Variants in FAM184A observed in about 807,000 individuals in gnomAD.
The protein encoded by FAM184A is family with sequence similarity 184 member A.
Under a neutral mutation model 143.8 loss-of-function variants are expected in FAM184A, and 99 were observed. The ratio of observed to expected loss-of-function variants is 0.69; its 90% CI spans 0.58 to 0.81. FAM184A has a LOEUF of 0.81. Ranked by LOEUF, FAM184A falls within the 40% of genes least tolerant of loss-of-function variation. FAM184A has a pLI of 0.00. For missense variants in FAM184A, 1,217 were observed against 1,310.5 expected, an observed-to-expected ratio of 0.93 and a Z score of 1.10; for synonymous variants, 427 against 446.4, an observed-to-expected ratio of 0.96 and a Z score of 0.55.
chr6:118,976,702 T>C (rs1324130968), intron 11 of FAM184A, among the ~76,000 whole-genome samples: 1 of 151,388 alleles, frequency 6.6e-6, no homozygotes, highest in African/African-American at 2.4e-5. Context: ...AGTTTAATGG[T>C]ACCATAACAA....
chr6:119,039,413 G>T (rs146975505), intron 1 of FAM184A, among the ~76,000 whole-genome samples: 80 of 152,312 alleles, frequency 5.3e-4, no homozygotes, highest in African/African-American at 1.9e-3. Context: ...TGGATAAACT[G>T]ATCCAGACGA....
chr6:118,985,886 T>C (rs934245274), intron 9 of FAM184A, among the ~76,000 whole-genome samples: 2 of 152,234 alleles, frequency 1.3e-5, no homozygotes, highest in African/African-American at 4.8e-5. Context: ...ATTATGCCAA[T>C]GACTTAACGA....
In FAM184A at chr6:119,071,752, T is replaced by C. The variant is rs75017571; in HGVS notation, c.159+6389A>G. ...ACCTAGACCAATCTAGAGAGCTGAA[T>C]GTGAGTCCAGGTTGAGTAATCTTCA... On this transcript the variant is annotated intron_variant, in intron 1 of 17. Transcript: ENST00000338891. Among the ~76,000 whole-genome samples, 1,266 of 152,158 alleles carry C rather than the reference T, an allele frequency of 8.3e-3. 16 individuals are homozygous for C. Among genetic ancestry groups the C allele is most frequent in the African/African-American group, 0.029 (1,201 of 41,540 alleles).
chr6:119,024,826 G>A lies in FAM184A; in HGVS notation c.160-13C>T, dbSNP rs371077012. 1 of 1,563,790 alleles carries A rather than the reference G, an allele frequency of 6.4e-7. No individual in the cohort carries two copies. The highest frequency in any genetic ancestry group is 2.3e-5 in the East Asian group (1 of 44,438). On this transcript the variant is annotated splice_polypyrimidine_tract_variant and intron_variant, in intron 1 of 17. Coordinates refer to ENST00000338891, the MANE Select transcript of FAM184A (RefSeq NM_024581.6). ...AAGCATATATTACCTGCATGGTTTT[G>A]AATAAGAAGGGAGAAGGATTGTGAA... is the stretch of plus-strand genomic sequence containing the variant.
At chr6:119,068,047 GTTTTT>G (rs148034802) in intron 1 of FAM184A, among the ~76,000 whole-genome samples, 1 of 112,280 alleles carries the variant, frequency 8.9e-6, no homozygotes, top group Non-Finnish European at 1.9e-5. Flanking sequence ...TTGTGTGTGG[GTTTTT>G]TTTTTTTTTT....
chr6:118,980,263 G>A lies in FAM184A; in HGVS notation c.2176C>T (p.Arg726Ter), dbSNP rs752069529. The change falls in exon 10 of 18, where the codon CGA becomes TGA. Residue 726 changes from arginine (R) to a stop codon, truncating the protein, a stop_gained. Coordinates refer to ENST00000338891, the MANE Select transcript of FAM184A (RefSeq NM_024581.6). LOFTEE classifies it high-confidence loss of function. ...TCAAGCTCTTGCGTAAGCCGCTGTCGTTCTTGCGTAAACTGGGCTTGCAGT... is the reference window on the plus strand; with the variant it reads ...TCAAGCTCTTGCGTAAGCCGCTGTCATTCTTGCGTAAACTGGGCTTGCAGT... Reference protein sequence around the residue: ...QQLQAQFTQERQRLTQELEEL... With the variant: ...QQLQAQFTQE 3.7e-6 allele frequency: 6 copies of A among 1,614,072 alleles called. No individual in the cohort carries two copies. Among genetic ancestry groups the A allele is most frequent in the Non-Finnish European group, 5.1e-6 (6 of 1,179,990 alleles).
At chr6:119,112,137 C>CTTT (rs1319598625) in intron 1 of FAM184A, among the ~76,000 whole-genome samples, 45 of 144,968 alleles carry the variant, frequency 3.1e-4, no homozygotes, top group Admixed American at 1.2e-3. Flanking sequence ...TTCTTTCTTT[C>CTTT]TTTTTTTTTT....
At chr6:119,002,048 GAC>G (rs1784776171) in intron 9 of FAM184A, among the ~76,000 whole-genome samples, 1 of 151,988 alleles carries the variant, frequency 6.6e-6, no homozygotes, top group Admixed American at 6.6e-5. Context: ...TGAGATACTA[GAC>G]ACAAATTGGC....
At chr6:119,064,599 AAG>A (rs1287204924) in intron 1 of FAM184A, among the ~76,000 whole-genome samples, 1 of 152,154 alleles carries the variant, frequency 6.6e-6, no homozygotes, top group African/African-American at 2.4e-5. Flanking sequence ...CCAGCTGTTC[AAG>A]AGGCTGAGGT....
At chr6:119,005,918 T>C (rs1784902729) in intron 7 of FAM184A, 1 of 542,258 alleles carries the variant, frequency 1.8e-6, no homozygotes, top group Non-Finnish European at 3.3e-6. Context: ...CTCTTACTAG[T>C]AAAAGAATTG....
intron 1 of FAM184A, among the ~76,000 whole-genome samples, chr6:119,055,234 C>T (rs1457299071): frequency 6.6e-6 from 1 of 152,030 alleles, no homozygotes; most frequent in Non-Finnish European, 1.5e-5. Context: ...TATTTCATTC[C>T]TTTTTATGGG....
chr6:119,147,534 A>T (rs1303768309), intron 1 of FAM184A, among the ~76,000 whole-genome samples: 1 of 152,204 alleles, frequency 6.6e-6, no homozygotes. Context: ...AGACCAGACC[A>T]CATGTAAAAA....
chr6:119,058,045 T>A (rs1462990272), intron 1 of FAM184A: 1 of 151,690 alleles, frequency 6.6e-6, no homozygotes, highest in Non-Finnish European at 1.5e-5. Flanking sequence ...TTTTCCCTAT[T>A]CCCTGAAAGT....
At chr6:119,141,554 G>A (rs1421122063) in intron 1 of FAM184A, among the ~76,000 whole-genome samples, 3 of 152,136 alleles carry the variant, frequency 2.0e-5, no homozygotes, top group African/African-American at 7.2e-5. Context: ...TTGGCTCACT[G>A]CAGTCTCTGC....
At chr6:119,015,654 T>C (rs1785222532) in intron 5 of FAM184A, among the ~76,000 whole-genome samples, 1 of 152,170 alleles carries the variant, frequency 6.6e-6, no homozygotes. Flanking sequence ...CGACGAATGC[T>C]GCCCCCTGCT....
chr6:119,040,400 C>A (rs1786282721), intron 1 of FAM184A, among the ~76,000 whole-genome samples: 1 of 152,198 alleles, frequency 6.6e-6, no homozygotes, highest in Admixed American at 6.5e-5. Context: ...CTTTTCCTCT[C>A]TTTCCTGCTT....
intron 1 of FAM184A, among the ~76,000 whole-genome samples, chr6:119,142,827 T>C (rs1772292474): frequency 6.6e-6 from 1 of 152,148 alleles, no homozygotes; most frequent in African/African-American, 2.4e-5. Flanking sequence ...CAAGTTAGGA[T>C]GAAGTTATAC....
chr6:119,088,634 T>C (rs1788289957), intron 1 of FAM184A, among the ~76,000 whole-genome samples: 1 of 151,608 alleles, frequency 6.6e-6, no homozygotes, highest in Non-Finnish European at 1.5e-5. Flanking sequence ...CCAGGTGATC[T>C]CAAAGGTACT....
intron 1 of FAM184A, among the ~76,000 whole-genome samples, chr6:119,087,033 A>G (rs1298250423): frequency 6.6e-6 from 1 of 152,162 alleles, no homozygotes; most frequent in African/African-American, 2.4e-5. Flanking sequence ...CACACGATAC[A>G]TGGTTATAAA....
Sources: gnomAD v4.1 joint callset for allele counts (sites outside exome capture counted in the v4.1 genomes callset) on GRCh38, gnomAD v4.1.1 for gene constraint, MANE v1.5 for transcripts, NCBI Gene and HGNC (gene_info 2026-07-23, HGNC 2026-07-21) for gene names.